C1QTNF3: variants seen among roughly 807,000 people sequenced by gnomAD.
C1QTNF3 encodes the protein complement C1q tumor necrosis factor-related protein 3.
A neutral mutation model predicts 32.6 loss-of-function variants in C1QTNF3; 26 were observed. That is an observed-to-expected ratio of 0.80 (90% CI 0.58 to 1.11). C1QTNF3 has a LOEUF of 1.11. Ranked by LOEUF, C1QTNF3 falls within the 50% of genes least tolerant of loss-of-function variation. The probability of loss-of-function intolerance (pLI) is 0.00; values close to 1 mark genes in which losing one functional copy is unlikely to be tolerated. For synonymous variants in C1QTNF3, 155 were observed against 146.0 expected (o/e 1.06, Z -0.44); for missense variants, 362 against 398.2 (o/e 0.91, Z 0.77).
At chr5:34,110,807 A>G in the C1QTNF3 span, among the ~76,000 whole-genome samples, 1 of 152,184 alleles carries the variant, frequency 6.6e-6, no homozygotes, top group South Asian at 2.1e-4. Context: ...ATGAATATTA[A>G]AGAGATTTCT....
chr5:34,135,670 AAAAAC>A, the C1QTNF3 span, among the ~76,000 whole-genome samples: 7 of 150,090 alleles, frequency 4.7e-5, no homozygotes, highest in Middle Eastern at 3.4e-3. Context: ...AATCCTAAGC[AAAAAC>A]AAAACAAAAC....
chr5:34,117,415 A>T, the C1QTNF3 span, among the ~76,000 whole-genome samples: 1 of 151,880 alleles, frequency 6.6e-6, no homozygotes, highest in African/African-American at 2.4e-5. Context: ...GTGTGTTATC[A>T]TCTCATACAT....
At chr5:34,036,457 C>T (rs1754742171) in intron 1 of C1QTNF3, among the ~76,000 whole-genome samples, 1 of 152,142 alleles carries the variant, frequency 6.6e-6, no homozygotes, top group South Asian at 2.1e-4. Flanking sequence ...AGCTAATTAA[C>T]ATATGTGTTG....
the C1QTNF3 span, among the ~76,000 whole-genome samples, chr5:34,236,563 CTTTTTTCTTTTTTTTT>C: frequency 2.2e-5 from 1 of 45,308 alleles, no homozygotes; most frequent in African/African-American, 4.4e-5. Flanking sequence ...TTTCTTTTTT[CTTTTTTCTTTTTTTTT>C]TTTTTTTTTT....
At position 34,020,342 on chromosome 5, in the gene C1QTNF3, AAG is replaced by A; in HGVS notation, c.*239_*240del. 5.1e-6 allele frequency: 2 copies of A among 395,990 alleles called. No homozygotes were observed. The highest frequency in any genetic ancestry group is 4.5e-6 in the Non-Finnish European group (1 of 222,644). 24.5% of individuals were successfully genotyped at this position (395,990 alleles called of 1,614,324 possible). ...AGAATTATCTTTTAGGTGCCAAGGA[AAG>A]AGTGATAAAGATGCTGAGTATATTA... On this transcript the variant is annotated 3_prime_UTR_variant, in exon 6 of 6. Transcript: ENST00000382065.
chr5:34,073,632 T>C, the C1QTNF3 span, among the ~76,000 whole-genome samples: 1 of 152,214 alleles, frequency 6.6e-6, no homozygotes, highest in African/African-American at 2.4e-5. Context: ...AAATTATTCT[T>C]TCGTATAATA....
the C1QTNF3 span, among the ~76,000 whole-genome samples, chr5:34,171,265 A>C: frequency 6.6e-6 from 1 of 151,880 alleles, no homozygotes; most frequent in African/African-American, 2.4e-5. Flanking sequence ...TTTCTTACTG[A>C]ATTTTTTTCA....
At chr5:34,178,435 T>G in the C1QTNF3 span, among the ~76,000 whole-genome samples, 1 of 152,072 alleles carries the variant, frequency 6.6e-6, no homozygotes, top group African/African-American at 2.4e-5. Flanking sequence ...CAGTCCACTG[T>G]GGGTGGCTGT....
At chr5:34,027,872 TTG>T (rs1381283721) in intron 4 of C1QTNF3, among the ~76,000 whole-genome samples, 1 of 151,682 alleles carries the variant, frequency 6.6e-6, no homozygotes, top group Non-Finnish European at 1.5e-5. Flanking sequence ...CTAAAATATA[TTG>T]TTAGTTTTTT....
chr5:34,028,681 C>T, intron 4 of C1QTNF3, 73 bp downstream of exon 4: 1 of 1,313,688 alleles, frequency 7.6e-7, no homozygotes, highest in Non-Finnish European at 1.0e-6. Flanking sequence ...TCCCTCTCTT[C>T]TTTCCTTCCT....
chr5:34,022,948 T>G (rs299611), intron 5 of C1QTNF3, among the ~76,000 whole-genome samples: 2 of 151,974 alleles, frequency 1.3e-5, no homozygotes, highest in African/African-American at 4.8e-5. Context: ...TTCCGCCTCC[T>G]GGGTTCATGC....
chr5:34,093,762 T>G, the C1QTNF3 span, among the ~76,000 whole-genome samples: 1 of 151,902 alleles, frequency 6.6e-6, no homozygotes, highest in Non-Finnish European at 1.5e-5. Context: ...AGTGGTGTCT[T>G]CACTTTAAAC....
the C1QTNF3 span, among the ~76,000 whole-genome samples, chr5:34,103,933 T>C: frequency 2.0e-5 from 3 of 151,940 alleles, no homozygotes; most frequent in African/African-American, 7.2e-5. Context: ...TTAGCCCAGA[T>C]ATTTTTCTAT....
At chr5:34,078,077 GA>G in the C1QTNF3 span, among the ~76,000 whole-genome samples, 1 of 151,358 alleles carries the variant, frequency 6.6e-6, no homozygotes, top group Non-Finnish European at 1.5e-5. The surrounding 1 kb of genome is among the most constrained non-coding windows in gnomAD (Gnocchi z 4.0). Context: ...CTAATGTAAA[GA>G]TAAATGCTTT....
the C1QTNF3 span, among the ~76,000 whole-genome samples, chr5:34,177,523 G>C: frequency 1.7e-5 from 2 of 118,358 alleles, no homozygotes; most frequent in African/African-American, 6.7e-5. Context: ...GTCTTGCTCT[G>C]TCGCCCAGGC....
chr5:34,213,203 A>C, the C1QTNF3 span, among the ~76,000 whole-genome samples: 31 of 152,180 alleles, frequency 2.0e-4, no homozygotes, highest in Non-Finnish European at 4.1e-4. Flanking sequence ...ACAGCATGTA[A>C]AACAATGGCT....
chr5:34,174,778 C>T, the C1QTNF3 span, among the ~76,000 whole-genome samples: 181 of 152,156 alleles, frequency 1.2e-3, no homozygotes, highest in African/African-American at 3.8e-3. Flanking sequence ...GTCTCACTGT[C>T]GCCCAGGCTG....
the C1QTNF3 span, among the ~76,000 whole-genome samples, chr5:34,137,007 G>C: frequency 6.6e-6 from 1 of 151,722 alleles, no homozygotes; most frequent in African/African-American, 2.4e-5. Flanking sequence ...GGGGGTGGGG[G>C]CCTGGGGGAG....
intron 1 of C1QTNF3, among the ~76,000 whole-genome samples, chr5:34,040,559 A>G (rs1754844640): frequency 6.6e-6 from 1 of 152,150 alleles, no homozygotes; most frequent in South Asian, 2.1e-4. Flanking sequence ...ATCTCTGGCC[A>G]TTGTACTCCA....
Sources: allele counts gnomAD v4.1 joint callset (sites outside exome capture counted in the v4.1 genomes callset), GRCh38; gene constraint gnomAD v4.1.1; non-coding constraint Gnocchi (gnomAD v3.1); transcripts MANE v1.5; gene names NCBI Gene and HGNC (gene_info 2026-07-23, HGNC 2026-07-21).